Variants in SLC39A12 observed in about 807,000 individuals in gnomAD.
The protein encoded by SLC39A12 is solute carrier family 39 member 12.
In SLC39A12, 63 loss-of-function variants were observed where a neutral mutation model predicts 71.1. The observed-to-expected ratio is 0.89, with a 90% CI of 0.72 to 1.09. The LOEUF is 1.09. Ranked by LOEUF, SLC39A12 falls within the 50% of genes least tolerant of loss-of-function variation. The pLI, the probability that SLC39A12 is intolerant of heterozygous loss-of-function variation, is 0.00. For missense variants in SLC39A12, 892 were observed against 812.6 expected (o/e 1.10, Z -1.19); for synonymous variants, 351 against 301.3 (o/e 1.16, Z -1.71).
At chr10:17,985,610 A>T (rs1835378409) in intron 6 of SLC39A12, among the ~76,000 whole-genome samples, 1 of 152,200 alleles carries the variant, frequency 6.6e-6, no homozygotes, top group Non-Finnish European at 1.5e-5. Flanking sequence ...ATCACTTGTT[A>T]GTAATTTCTA....
intron 12 of SLC39A12, among the ~76,000 whole-genome samples, chr10:18,018,527 T>G (rs1295701243): frequency 1.3e-5 from 2 of 152,200 alleles, no homozygotes; most frequent in African/African-American, 4.8e-5. Context: ...TTTGTAAATG[T>G]TCTTTATCAA....
chr10:18,012,240 A>G (rs1836247181), intron 12 of SLC39A12, among the ~76,000 whole-genome samples: 1 of 152,186 alleles, frequency 6.6e-6, no homozygotes, highest in Admixed American at 6.5e-5. Context: ...AATGAATTCC[A>G]TGAAAAAAAG....
chr10:17,969,078 A>C (rs142646022), intron 4 of SLC39A12, among the ~76,000 whole-genome samples: 3 of 152,154 alleles, frequency 2.0e-5, no homozygotes, highest in Admixed American at 1.3e-4. Flanking sequence ...CACTTAACAT[A>C]GTGTTTTCCA....
intron 8 of SLC39A12, among the ~76,000 whole-genome samples, chr10:17,991,778 C>G (rs1047543077): frequency 5.9e-5 from 9 of 152,028 alleles, no homozygotes; most frequent in Admixed American, 5.2e-4. Context: ...TTTTATTATA[C>G]CAGTAGCTGA....
chr10:18,020,320 A>G (rs1836499092), intron 12 of SLC39A12, among the ~76,000 whole-genome samples: 1 of 152,000 alleles, frequency 6.6e-6, no homozygotes, highest in African/African-American at 2.4e-5. Flanking sequence ...ATGGCTGTAT[A>G]GTATTCCGTG....
At chr10:17,969,096 C>A (rs1354210269) in intron 4 of SLC39A12, among the ~76,000 whole-genome samples, 1 of 152,156 alleles carries the variant, frequency 6.6e-6, no homozygotes, top group Non-Finnish European at 1.5e-5. Context: ...CCAGTTTCAT[C>A]CATGTTGTTG....
chr10:17,991,007 T>TA (rs1056230302), intron 7 of SLC39A12, 144 bp from the exon 8 acceptor site: 2 of 763,450 alleles, frequency 2.6e-6, no homozygotes, highest in African/African-American at 3.7e-5. Context: ...ACTGGACTTT[T>TA]AGTGATTGTA....
intron 7 of SLC39A12, among the ~76,000 whole-genome samples, chr10:17,990,375 TATA>T (rs1298891464): frequency 2.0e-5 from 3 of 152,202 alleles, no homozygotes; most frequent in African/African-American, 7.2e-5. Context: ...TGTATATACA[TATA>T]ATCTATACAC....
At chr10:18,033,497 T>G (rs548778489) in intron 12 of SLC39A12, among the ~76,000 whole-genome samples, 60 of 148,604 alleles carry the variant, frequency 4.0e-4, no homozygotes, top group Admixed American at 2.7e-4. Context: ...GGTGGTGATA[T>G]CCCCTTTATC....
In SLC39A12 at chr10:17,972,587, T is replaced by A. The variant is rs551414538; in HGVS notation, c.752-5315T>A. On this transcript the variant is annotated intron_variant, in intron 4 of 12. Transcript: ENST00000377369. ...GATTGACACTTTTATCATTATATAGTGACCTTTGTCCCTTCTTACAGTCTT... is the reference window on the plus strand; with the variant it reads ...GATTGACACTTTTATCATTATATAGAGACCTTTGTCCCTTCTTACAGTCTT... 3.9e-5 allele frequency among the ~76,000 whole-genome samples: 6 copies of A among 152,294 alleles called. No homozygotes were observed. The East Asian group carries it at 1.2e-3, about 29-fold the overall frequency.
chr10:17,953,159 A>G, intron 1 of SLC39A12, 32 bp from the exon 2 acceptor site: 1 of 1,301,130 alleles, frequency 7.7e-7, no homozygotes, highest in Non-Finnish European at 1.1e-6. Context: ...AGGCACAATA[A>G]TTGAAGGCTT....
In SLC39A12 at chr10:18,015,954, C is replaced by T. The variant is rs189713857; in HGVS notation, c.1947+12596C>T. On this transcript the variant is annotated intron_variant, in intron 12 of 12. Transcript: ENST00000377369. ...GAAGGTACAGAGTTCCCATAAGTCC[C>T]CTGTCCCCACACATGCACAACCACC... 2.2e-4 allele frequency among the ~76,000 whole-genome samples: 34 copies of T among 152,102 alleles called. No homozygotes were observed. The South Asian group carries it at 7.1e-3, about 32-fold the overall frequency.
chr10:17,970,870 G>T (rs1002163541), intron 4 of SLC39A12, among the ~76,000 whole-genome samples: 2 of 152,054 alleles, frequency 1.3e-5, no homozygotes, highest in African/African-American at 4.8e-5. Context: ...GGGCATCCTT[G>T]TCATGTTCCA....
Position 18,042,722 on chromosome 10 carries a change from T to C in SLC39A12, c.1965T>C (p.His655=), listed in dbSNP as rs371245743. Residue 655 remains histidine (H), a synonymous_variant, in exon 13 of 13, where the codon CAT becomes CAC. Coordinates refer to ENST00000377369, the MANE Select transcript of SLC39A12 (RefSeq NM_001145195.2). ...TTTTTTAGCTTCCTGAAATGACTCA[T>C]GTTCAAACACAACGACCCTGGATGA... The part of the protein sequence containing the change: ...SLVEMLPEMT[H]VQTQRPWMMF... The C allele has an allele frequency of 6.8e-6, 11 of 1,608,568 alleles. No individual in the cohort carries two copies. The highest frequency in any genetic ancestry group is 1.3e-5 in the African/African-American group (1 of 74,506).
rs149383542 is a variant in SLC39A12 at position 17,975,051 on chromosome 10, G to A, written c.752-2851G>A. 7.6e-3 allele frequency among the ~76,000 whole-genome samples: 1,161 copies of A among 152,274 alleles called. 26 individuals carry two copies. The highest frequency in any genetic ancestry group is 5.5e-3 in the Non-Finnish European group (371 of 68,018). On this transcript the variant is annotated intron_variant, in intron 4 of 12. Coordinates refer to ENST00000377369, the MANE Select transcript of SLC39A12 (RefSeq NM_001145195.2). ...TTACTCTGTGGCCAGCACCACCACA[G>A]GTCCATGGGGAGAGCTGCCACACTA...
At chr10:18,021,037 C>A (rs1836519426) in intron 12 of SLC39A12, among the ~76,000 whole-genome samples, 1 of 152,050 alleles carries the variant, frequency 6.6e-6, no homozygotes, top group African/African-American at 2.4e-5. Context: ...GTCATGAAAT[C>A]TTTGCCAAGA....
chr10:18,026,035 A>G (rs2130883158), intron 12 of SLC39A12, among the ~76,000 whole-genome samples: 1 of 152,288 alleles, frequency 6.6e-6, no homozygotes, highest in African/African-American at 2.4e-5. Context: ...CTTATACATG[A>G]GCATACATAA....
At chr10:18,033,630 T>C (rs1264954494) in intron 12 of SLC39A12, among the ~76,000 whole-genome samples, 2 of 147,422 alleles carry the variant, frequency 1.4e-5, no homozygotes, top group Non-Finnish European at 3.0e-5. Context: ...TTTTGAAGCG[T>C]TTTTTGTGTC....
At chr10:18,042,652 C>G (rs920489896) in intron 12 of SLC39A12, 53 bp from the exon 13 acceptor site, 6 of 1,531,680 alleles carry the variant, frequency 3.9e-6, no homozygotes, top group Non-Finnish European at 5.2e-6. Context: ...CCAAGCTTTT[C>G]CCAGCAGTTG....
Sources: allele counts gnomAD v4.1 joint callset (sites outside exome capture counted in the v4.1 genomes callset), GRCh38; gene constraint gnomAD v4.1.1; transcripts MANE v1.5; gene names NCBI Gene and HGNC (gene_info 2026-07-23, HGNC 2026-07-21).